Variants in EYA1 observed in about 807,000 individuals in gnomAD.
EYA1 encodes EYA transcriptional coactivator and phosphatase 1.
Under a neutral mutation model 82.0 loss-of-function variants are expected in EYA1, and 16 were observed. The ratio of observed to expected loss-of-function variants is 0.20; its 90% CI spans 0.13 to 0.30. The LOEUF (loss-of-function observed/expected upper bound fraction) is 0.30. EYA1 is among the 10% of genes least tolerant of loss of function. EYA1 has a pLI of 1.00. For synonymous variants in EYA1, 261 were observed against 264.4 expected (o/e 0.99, Z 0.12); for missense variants, 633 against 730.7 (o/e 0.87, Z 1.54).
chr8:71,485,889 TA>T (rs1009615863), intron 2 of EYA1, among the ~76,000 whole-genome samples: 15 of 152,012 alleles, frequency 9.9e-5, no homozygotes, highest in Admixed American at 2.0e-4. Flanking sequence ...CTTGAAACAA[TA>T]AAAAAAAGTT....
In EYA1 at chr8:71,401,743, AG is replaced by A. The variant is rs1354696975; in HGVS notation, c.34-45233del. On this transcript the variant is annotated intron_variant, in intron 2 of 18. Coordinates refer to the EYA1 transcript ENST00000643681. ...GACCCTCTACGTAAAAGGGCTTAGA[AG>A]CTCCGCTTGGCATTGAGAAAGCTTT... is the stretch of plus-strand genomic sequence containing the variant. Among the ~76,000 whole-genome samples the A allele has an allele frequency of 2.6e-5, 4 of 152,342 alleles. No homozygotes were observed. In the East Asian group the frequency reaches 7.7e-4, roughly 29 times the overall value.
rs114662759 is a variant in EYA1 at position 71,234,848 on chromosome 8, G to T, written c.1140+9755C>A. ...TGCTTATATGTCATCTCTTGACTTGGATGTTGAATATGTATTTCATACTTA... is the reference window on the plus strand; with the variant it reads ...TGCTTATATGTCATCTCTTGACTTGTATGTTGAATATGTATTTCATACTTA... On this transcript the variant is annotated intron_variant, in intron 12 of 17. Transcript: ENST00000340726. Among the ~76,000 whole-genome samples, 707 of 152,070 alleles carry T rather than the reference G, an allele frequency of 4.6e-3. 4 individuals carry two copies. The highest frequency in any genetic ancestry group is 0.017 in the African/African-American group (684 of 41,450).
chr8:71,425,321 A>C (rs1586693217), intron 2 of EYA1, among the ~76,000 whole-genome samples: 1 of 152,064 alleles, frequency 6.6e-6, no homozygotes, highest in African/African-American at 2.4e-5. Flanking sequence ...CACTTTAAAA[A>C]CTTGCTTCTT....
chr8:71,510,740 T>C (rs1240008028), intron 2 of EYA1, among the ~76,000 whole-genome samples: 1 of 152,190 alleles, frequency 6.6e-6, no homozygotes, highest in Non-Finnish European at 1.5e-5. Context: ...CCAAACCATA[T>C]GAAGCACTAT....
intron 4 of EYA1, among the ~76,000 whole-genome samples, chr8:71,332,656 T>C (rs558749283): frequency 6.6e-6 from 1 of 152,328 alleles, no homozygotes; most frequent in African/African-American, 2.4e-5. Context: ...GCCATAATTC[T>C]GTCCTATGAA....
rs189081083 is a variant in EYA1, at chr8:71,241,094, C to T, written c.1140+3509G>A. Among the ~76,000 whole-genome samples, 22 of 152,292 alleles carry T rather than the reference C, an allele frequency of 1.4e-4. 1 individual carries two copies. Among genetic ancestry groups the T allele is most frequent in the Non-Finnish European group, 2.4e-4 (16 of 68,022 alleles). ...CAGACGTACACTACGGAACTAAAGTCGAAACCCTTCTCTTGGGGGGAAAAT... is the reference window on the plus strand; with the variant it reads ...CAGACGTACACTACGGAACTAAAGTTGAAACCCTTCTCTTGGGGGGAAAAT... On this transcript the variant is annotated intron_variant, in intron 12 of 17. Coordinates refer to ENST00000340726, the MANE Select transcript of EYA1 (RefSeq NM_000503.6).
chr8:71,438,651 G>A (rs1032631030), intron 2 of EYA1, among the ~76,000 whole-genome samples: 1 of 152,146 alleles, frequency 6.6e-6, no homozygotes, highest in Non-Finnish European at 1.5e-5. Flanking sequence ...GAAATGTGGA[G>A]AGTGTGAGCA....
chr8:71,334,592 C>T (rs909592432), intron 3 of EYA1, among the ~76,000 whole-genome samples: 6 of 152,052 alleles, frequency 3.9e-5, no homozygotes, highest in African/African-American at 1.2e-4. Context: ...AAGTGGGTGT[C>T]GACACCAGCA....
intron 2 of EYA1, among the ~76,000 whole-genome samples, chr8:71,431,821 T>C (rs1400962206): frequency 1.3e-5 from 2 of 152,184 alleles, no homozygotes; most frequent in Non-Finnish European, 2.9e-5. Flanking sequence ...CCAAAGGTAT[T>C]ACTTTGCATA....
chr8:71,224,576 T>C (rs1027987592), intron 12 of EYA1, among the ~76,000 whole-genome samples: 1 of 152,262 alleles, frequency 6.6e-6, no homozygotes, highest in South Asian at 2.1e-4. Context: ...TCCTCTTATT[T>C]CTAAATGTGA....
intron 1 of EYA1, among the ~76,000 whole-genome samples, chr8:71,546,559 G>A (rs1177445520): frequency 1.3e-5 from 2 of 148,684 alleles, no homozygotes; most frequent in Non-Finnish European, 3.0e-5. Context: ...AGACTGCAGT[G>A]GCGCAATCTC....
At chr8:71,480,372 T>C (rs992162086) in intron 2 of EYA1, among the ~76,000 whole-genome samples, 1 of 152,176 alleles carries the variant, frequency 6.6e-6, no homozygotes, top group African/African-American at 2.4e-5. Flanking sequence ...GGAAGCACCT[T>C]TGTTTGCCTT....
intron 12 of EYA1, among the ~76,000 whole-genome samples, chr8:71,244,269 T>A (rs1812814054): frequency 6.6e-6 from 1 of 152,224 alleles, no homozygotes; most frequent in Non-Finnish European, 1.5e-5. Flanking sequence ...GAATCTGACA[T>A]AACATATGCA....
chr8:71,238,234 T>G (rs1272090984), intron 12 of EYA1, among the ~76,000 whole-genome samples: 2 of 152,180 alleles, frequency 1.3e-5, no homozygotes, highest in Non-Finnish European at 2.9e-5. Flanking sequence ...TTTCTTTAAG[T>G]TGGGTCTGTG....
chr8:71,506,513 T>G (rs1410087787), intron 2 of EYA1, among the ~76,000 whole-genome samples: 1 of 152,238 alleles, frequency 6.6e-6, no homozygotes, highest in Non-Finnish European at 1.5e-5. Context: ...CTTAAACCCA[T>G]GTGTGCCAAT....
At chr8:71,369,032 C>CAAAA (rs60647486) in intron 2 of EYA1, among the ~76,000 whole-genome samples, 6 of 112,824 alleles carry the variant, frequency 5.3e-5, no homozygotes, top group African/African-American at 1.1e-4. Flanking sequence ...ACTAAAAATA[C>CAAAA]AAAAAAAAAA....
At chr8:71,298,038 AT>A (rs1378489796) in intron 9 of EYA1, among the ~76,000 whole-genome samples, 2 of 152,220 alleles carry the variant, frequency 1.3e-5, no homozygotes, top group African/African-American at 2.4e-5. Flanking sequence ...AACATGAAAA[AT>A]TTTGAAGACT....
intron 7 of EYA1, among the ~76,000 whole-genome samples, chr8:71,310,629 G>A (rs972508315): frequency 1.3e-5 from 2 of 152,170 alleles, no homozygotes; most frequent in African/African-American, 4.8e-5. Flanking sequence ...ATTCCATGGT[G>A]TATATGTACC....
intron 14 of EYA1, 87 bp from the exon 15 acceptor site, chr8:71,215,815 T>G: frequency 1.2e-6 from 1 of 817,380 alleles, no homozygotes; most frequent in Non-Finnish European, 2.1e-6. Context: ...AAAAGTACTA[T>G]GAATACCAGC....
Sources: gnomAD v4.1 joint callset for allele counts (sites outside exome capture counted in the v4.1 genomes callset) on GRCh38, gnomAD v4.1.1 for gene constraint, MANE v1.5 for transcripts, NCBI Gene and HGNC (gene_info 2026-07-23, HGNC 2026-07-21) for gene names.